PEX7: variants seen among roughly 807,000 people sequenced by gnomAD.
PEX7 encodes the protein peroxisomal biogenesis factor 7.
PEX7 carries 34 observed loss-of-function variants against 47.5 expected under a neutral mutation model. That is an observed-to-expected ratio of 0.72 (90% CI 0.54 to 0.95). The LOEUF is 0.95. PEX7 is among the 40% of genes least tolerant of loss of function. The pLI, the probability that PEX7 is intolerant of heterozygous loss-of-function variation, is 0.00. For missense variants in PEX7, 394 were observed against 400.3 expected (o/e 0.98, Z 0.13); for synonymous variants, 141 against 148.8 (o/e 0.95, Z 0.38).
chr6:136,899,518 A>G (rs1235430716), intron 9 of PEX7, among the ~76,000 whole-genome samples: 1 of 152,152 alleles, frequency 6.6e-6, no homozygotes, highest in African/African-American at 2.4e-5. Context: ...TGCTGGGATT[A>G]CAGACATGAA....
intron 9 of PEX7, among the ~76,000 whole-genome samples, chr6:136,911,428 C>G (rs935179501): frequency 8.6e-5 from 13 of 151,920 alleles, no homozygotes; most frequent in African/African-American, 2.9e-4. Context: ...TTTTTTTAGA[C>G]AGAGTCTCAC....
chr6:136,846,005 T>A, intron 4 of PEX7, 68 bp from the exon 5 acceptor site: 1 of 844,544 alleles, frequency 1.2e-6, no homozygotes, highest in South Asian at 1.4e-5. Flanking sequence ...TATTGGTGTA[T>A]GTAGTATATG....
chr6:136,825,916 T>C (rs1032257134), intron 2 of PEX7, among the ~76,000 whole-genome samples: 1 of 152,148 alleles, frequency 6.6e-6, no homozygotes, highest in Admixed American at 6.6e-5. Flanking sequence ...AGTTCAAGGC[T>C]GTAGTGAGCT....
chr6:136,843,050 C>A (rs1230862084), intron 3 of PEX7, among the ~76,000 whole-genome samples: 5 of 152,162 alleles, frequency 3.3e-5, no homozygotes, highest in Admixed American at 2.6e-4. Flanking sequence ...TCCTTGATAT[C>A]ATGGCTTAAG....
chr6:136,846,326 T>TTTTTTA (rs1171115332), intron 5 of PEX7, 145 bp downstream of exon 5: 3 of 442,244 alleles, frequency 6.8e-6, no homozygotes, highest in Non-Finnish European at 8.0e-6. Flanking sequence ...CTTTACTTCT[T>TTTTTTA]TTTTTATTTT....
At chr6:136,823,413 G>A (rs1209363015) in intron 1 of PEX7, 4 of 940,746 alleles carry the variant, frequency 4.3e-6, no homozygotes, top group East Asian at 1.2e-4. Flanking sequence ...ATTGTCTCCC[G>A]TCGCGCGCAT....
intron 9 of PEX7, among the ~76,000 whole-genome samples, chr6:136,904,533 T>G (rs1488489755): frequency 2.0e-5 from 3 of 151,956 alleles, no homozygotes; most frequent in Non-Finnish European, 4.4e-5. Flanking sequence ...TGGGAGGTGA[T>G]TGAATTATGG....
chr6:136,898,246 C>A lies in PEX7; in HGVS notation c.903+5C>A. 1 of 1,504,846 alleles carries A rather than the reference C, an allele frequency of 6.6e-7. No individual in the cohort carries two copies. The highest frequency in any genetic ancestry group is 9.3e-7 in the Non-Finnish European group (1 of 1,080,622). The allele number at this position is 1,504,846 out of a possible 1,614,324, so 93.2% of individuals were successfully genotyped here. On this transcript the variant is annotated splice_donor_5th_base_variant and intron_variant, in intron 9 of 9. Transcript: ENST00000318471. ...AGTCTTCAGAGCCCCACTCAGGTAA[C>A]GGATACAATCTCATGATATTCTCTT...
chr6:136,906,803 C>G (rs1369053660), intron 9 of PEX7, among the ~76,000 whole-genome samples: 2 of 152,128 alleles, frequency 1.3e-5, no homozygotes, highest in Non-Finnish European at 2.9e-5. Context: ...AACCTCTTGC[C>G]ATACTATTAA....
intron 8 of PEX7, among the ~76,000 whole-genome samples, chr6:136,894,684 C>T (rs1394231624): frequency 6.6e-6 from 1 of 152,036 alleles, no homozygotes; most frequent in African/African-American, 2.4e-5. Flanking sequence ...AACCAAAAAG[C>T]AAAAAATAAC....
intron 1 of PEX7, among the ~76,000 whole-genome samples, chr6:136,823,557 A>G (rs1774126682): frequency 6.6e-6 from 1 of 151,742 alleles, no homozygotes. Flanking sequence ...ACATCACTCC[A>G]CTCCAGCCTG....
At position 136,846,196 on chromosome 6, in the gene PEX7, A is replaced by G; in HGVS notation, c.526+15A>G. On this transcript the variant is annotated intron_variant, in intron 5 of 9. Coordinates refer to ENST00000318471, the MANE Select transcript of PEX7 (RefSeq NM_000288.4). ...TTCAGCCTCAGGTAAATTATTCTGTATTTACCAAAAGCCTTACTTGTAGTG... is the reference window on the plus strand; with the variant it reads ...TTCAGCCTCAGGTAAATTATTCTGTGTTTACCAAAAGCCTTACTTGTAGTG... 1 of 1,530,692 alleles carries G rather than the reference A, an allele frequency of 6.5e-7. No homozygotes were observed. Among genetic ancestry groups the G allele is most frequent in the Non-Finnish European group, 9.0e-7 (1 of 1,105,026 alleles). 94.8% of individuals were successfully genotyped at this position (1,530,692 alleles called of 1,614,324 possible).
At chr6:136,912,867 T>C (rs943523975) in intron 9 of PEX7, among the ~76,000 whole-genome samples, 1 of 152,204 alleles carries the variant, frequency 6.6e-6, no homozygotes, top group Non-Finnish European at 1.5e-5. Flanking sequence ...TCCCTTCATG[T>C]TTTCCTATGG....
At chr6:136,895,311 C>T (rs186833427) in intron 8 of PEX7, among the ~76,000 whole-genome samples, 5 of 152,092 alleles carry the variant, frequency 3.3e-5, no homozygotes, top group Admixed American at 6.5e-5. Flanking sequence ...ATTGACATAC[C>T]GTTTAGCATT....
At chr6:136,829,815 G>A (rs564354692) in intron 3 of PEX7, among the ~76,000 whole-genome samples, 2 of 152,276 alleles carry the variant, frequency 1.3e-5, no homozygotes, top group East Asian at 3.9e-4. Context: ...GTGCACACCT[G>A]TAGTCCCAGC....
At chr6:136,823,061 C>T (rs1188638548) in intron 1 of PEX7, 12 of 985,328 alleles carry the variant, frequency 1.2e-5, no homozygotes, top group Non-Finnish European at 1.4e-5. Flanking sequence ...TCCTTGAGAC[C>T]GCGCTGCCTC....
intron 3 of PEX7, among the ~76,000 whole-genome samples, chr6:136,836,542 T>G (rs947239861): frequency 6.6e-6 from 1 of 152,198 alleles, no homozygotes; most frequent in African/African-American, 2.4e-5. Context: ...AACAAGCACA[T>G]TAATCTAAAG....
chr6:136,866,734 G>GTA lies in PEX7; in HGVS notation c.633+4_633+5dup. 2 of 1,601,364 alleles carry GTA rather than the reference G, an allele frequency of 1.2e-6. No individual in the cohort carries two copies. The highest frequency in any genetic ancestry group is 1.7e-6 in the Non-Finnish European group (2 of 1,168,516). On this transcript the variant is annotated splice_donor_variant, in intron 6 of 9. Coordinates refer to ENST00000318471, the MANE Select transcript of PEX7 (RefSeq NM_000288.4). LOFTEE classifies it high-confidence loss of function. ...TTGTGACTGGTGTAAATACAATGAG[G>GTA]TATAGTGTATGGCTCTATCCTATGC...
intron 9 of PEX7, among the ~76,000 whole-genome samples, chr6:136,902,824 A>G (rs1227204485): frequency 1.3e-5 from 2 of 152,182 alleles, no homozygotes; most frequent in South Asian, 2.1e-4. Context: ...TAAGCTGGAT[A>G]CAAGTTTACA....
Sources: gnomAD v4.1 joint callset for allele counts (sites outside exome capture counted in the v4.1 genomes callset) on GRCh38, gnomAD v4.1.1 for gene constraint, MANE v1.5 for transcripts, NCBI Gene and HGNC (gene_info 2026-07-23, HGNC 2026-07-21) for gene names.